The following ZCCHC9 variants were observed in gnomAD, a reference collection of about 807,000 sequenced individuals.
ZCCHC9 encodes zinc finger CCHC domain-containing protein 9.
Under a neutral mutation model 30.8 loss-of-function variants are expected in ZCCHC9, and 18 were observed. The ratio of observed to expected loss-of-function variants is 0.58; its 90% confidence interval spans 0.40 to 0.87. The LOEUF is 0.87. ZCCHC9 is among the 40% of genes least tolerant of loss of function. The pLI, the probability that ZCCHC9 is intolerant of heterozygous loss-of-function variation, is 0.00. For missense variants in ZCCHC9, 279 were observed against 331.2 expected (o/e 0.84, Z 1.22); for synonymous variants, 94 against 106.7 (o/e 0.88, Z 0.73).
chr5:81,304,620 T>C, intron 1 of ZCCHC9, 121 bp from the exon 2 acceptor site: 1 of 791,840 alleles, frequency 1.3e-6, no homozygotes, highest in South Asian at 2.7e-5. Flanking sequence ...AAAAGTGTTT[T>C]AATAATTAAA....
In ZCCHC9 at chr5:81,301,589, T is replaced by G. The variant is rs554384738; in HGVS notation, c.-127T>G. 6.6e-6 allele frequency: 1 copy of G among 152,404 alleles called. No individual in the cohort carries two copies. Among genetic ancestry groups the G allele is most frequent in the South Asian group, 2.1e-4 (1 of 4,828 alleles). The allele number at this position is 152,404 out of a possible 1,614,324, so 9.4% of individuals were successfully genotyped here. ...CCGGAAGTGACGCGCTCTCGGGCAC[T>G]ATGTGCTTCCGGTCTCCAATACCGC... On this transcript the variant is annotated 5_prime_UTR_variant, in exon 1 of 6. Coordinates refer to ENST00000407610, the MANE Select transcript of ZCCHC9 (RefSeq NM_001131035.2).
At chr5:81,308,771 G>T in intron 3 of ZCCHC9, 60 bp downstream of exon 3, 1 of 1,553,822 alleles carries the variant, frequency 6.4e-7, no homozygotes. Flanking sequence ...ATAGCACCTT[G>T]GGTATTTTTT....
At chr5:81,312,226 T>A (rs1043080566) in intron 5 of ZCCHC9, among the ~76,000 whole-genome samples, 2 of 152,208 alleles carry the variant, frequency 1.3e-5, no homozygotes, top group Non-Finnish European at 2.9e-5. Flanking sequence ...TTCATAAGCC[T>A]TGCTGTTTAC....
chr5:81,308,621 A>C lies in ZCCHC9; in HGVS notation c.445A>C (p.Asn149His). The change falls in exon 3 of 6, where the codon AAT becomes CAT. Residue 149 changes from asparagine (N) to histidine (H), a missense_variant. Physicochemically the swap from Asn to His is moderately conservative, Grantham distance 68. Transcript: ENST00000407610. ...GIADCPAALE[N>H]QDMGTGICYR... Reference sequence around the variant, plus strand: ...TGCAGATTGCCCCGCCGCCCTTGAAAATCAAGACATGGGCACTGGGATATG... The same window carrying C: ...TGCAGATTGCCCCGCCGCCCTTGAACATCAAGACATGGGCACTGGGATATG... 2.5e-6 allele frequency: 4 copies of C among 1,613,810 alleles called. No homozygotes were observed. The highest frequency in any genetic ancestry group is 3.4e-6 in the Non-Finnish European group (4 of 1,179,862).
chr5:81,304,924 C>G lies in ZCCHC9; in HGVS notation c.167C>G (p.Ala56Gly), dbSNP rs1485843285. 6.2e-7 allele frequency: 1 copy of G among 1,613,402 alleles called. No homozygotes were observed. The highest frequency in any genetic ancestry group is 8.5e-7 in the Non-Finnish European group (1 of 1,179,926). ...TCCCTCAAAAATGATGCACCCCAAG[C>G]AAAACATAAAAAGAACAAAAAGAAA... ...RLSLKNDAPQ[A>G]KHKKNKKKKE... The change falls in exon 2 of 6, where the codon GCA (alanine) becomes GGA (glycine). Residue 56 changes from alanine (A) to glycine (G), a missense_variant. Transcript: ENST00000407610.
rs369656009 is a variant in ZCCHC9, at chr5:81,308,703, C to T, written c.527C>T (p.Pro176Leu). Residue 176 changes from proline to leucine, a missense_variant, in exon 3 of 6, where the codon CCG becomes CTG. Coordinates refer to ENST00000407610, the MANE Select transcript of ZCCHC9 (RefSeq NM_001131035.2). ...EITKCKAKVD[P>L]ALGEFPFAKC... ...ACCAAGTGTAAGGCTAAAGTAGACCCGGCTCTTGGTATGTGTTTCTTTCAG... is the reference window on the plus strand; with the variant it reads ...ACCAAGTGTAAGGCTAAAGTAGACCTGGCTCTTGGTATGTGTTTCTTTCAG... 70 of 1,606,696 alleles carry T rather than the reference C, an allele frequency of 4.4e-5. No homozygotes were observed. Among genetic ancestry groups the T allele is most frequent in the South Asian group, 2.9e-4 (26 of 89,436 alleles).
chr5:81,308,428 T>A (rs1758152487), intron 2 of ZCCHC9, 133 bp from the exon 3 acceptor site: 1 of 1,203,908 alleles, frequency 8.3e-7, no homozygotes, highest in African/African-American at 1.6e-5. Flanking sequence ...AAAGCTTTTT[T>A]CTACAAATAT....
intron 4 of ZCCHC9, among the ~76,000 whole-genome samples, chr5:81,309,911 T>C (rs1296671829): frequency 2.0e-5 from 3 of 152,172 alleles, no homozygotes; most frequent in Non-Finnish European, 4.4e-5. Flanking sequence ...CTGAGAGGTA[T>C]GTGCAATAAT....
rs772584866 is a variant in ZCCHC9, at chr5:81,304,955, G to C, written c.198G>C (p.Glu66Asp). ...ATAAAAAGAACAAAAAGAAAAAAGA[G>C]TACTTAAATGAAGATGTGAATGGAT... ...AKHKKNKKKK[E>D]YLNEDVNGFM... The change falls in exon 2 of 6, where the codon GAG (glutamate) becomes GAC (aspartate). Residue 66 changes from glutamate to aspartate, a missense_variant. Transcript: ENST00000407610. 3.1e-6 allele frequency: 5 copies of C among 1,613,720 alleles called. No individual in the cohort carries two copies. The African/African-American group carries it at 5.3e-5, about 17-fold the overall frequency.
intron 4 of ZCCHC9, among the ~76,000 whole-genome samples, chr5:81,310,472 T>TG (rs1456361880): frequency 6.6e-6 from 1 of 151,942 alleles, no homozygotes; most frequent in African/African-American, 2.4e-5. Flanking sequence ...AGTCAAGATT[T>TG]GGGGGAAAAA....
rs1387881346 is a variant in ZCCHC9, at chr5:81,313,034, G to C, written c.*372G>C. Reference sequence around the variant, plus strand: ...GAACAAATGAATTTTTGGTTATATTGTTTTCTTGGCTCAAAGTATCAATTT... The same window carrying C: ...GAACAAATGAATTTTTGGTTATATTCTTTTCTTGGCTCAAAGTATCAATTT... On this transcript the variant is annotated 3_prime_UTR_variant, in exon 6 of 6. Transcript: ENST00000407610. 2.0e-5 allele frequency: 3 copies of C among 153,042 alleles called. No individual in the cohort carries two copies. The highest frequency in any genetic ancestry group is 4.4e-5 in the Non-Finnish European group (3 of 68,676). The allele number at this position is 153,042 out of a possible 1,614,324, so 9.5% of individuals were successfully genotyped here.
chr5:81,301,956 C>G (rs1354425153), intron 1 of ZCCHC9: 1 of 152,244 alleles, frequency 6.6e-6, no homozygotes, highest in Non-Finnish European at 1.5e-5. Flanking sequence ...CCCAGAGCCT[C>G]CCCCTTCCCA....
In ZCCHC9 at chr5:81,305,116, G is replaced by A. The variant is rs746480820; in HGVS notation, c.359G>A (p.Arg120Lys). 1 of 1,595,570 alleles carries A rather than the reference G, an allele frequency of 6.3e-7. No homozygotes were observed. The highest frequency in any genetic ancestry group is 8.5e-7 in the Non-Finnish European group (1 of 1,174,934). Residue 120 changes from arginine to lysine, a missense_variant, in exon 2 of 6, where the codon AGA becomes AAA. Physicochemically the swap from Arg to Lys is conservative, Grantham distance 26 (BLOSUM62 2). Coordinates refer to ENST00000407610, the MANE Select transcript of ZCCHC9 (RefSeq NM_001131035.2). ...CGACGGGAAGGAAGAAGATTAAAAA[G>A]ACAAGCGGCAAAGAAAAATGCAATG... Reference protein sequence around the residue: ...DSRREGRRLKRQAAKKNAMVC... With the variant: ...DSRREGRRLKKQAAKKNAMVC...
At chr5:81,309,200 G>T in intron 4 of ZCCHC9, 162 bp downstream of exon 4, 1 of 496,614 alleles carries the variant, frequency 2.0e-6, no homozygotes, top group Non-Finnish European at 3.4e-6. Flanking sequence ...TAGGCTTTTT[G>T]TGCAATTTGA....
At chr5:81,305,637 C>T (rs1758065358) in intron 2 of ZCCHC9, among the ~76,000 whole-genome samples, 1 of 151,752 alleles carries the variant, frequency 6.6e-6, no homozygotes, top group Admixed American at 6.6e-5. Flanking sequence ...TGGTACACAC[C>T]TGTGATCCCA....
intron 4 of ZCCHC9, 57 bp from the exon 5 acceptor site, chr5:81,311,154 T>A: frequency 6.3e-7 from 1 of 1,578,988 alleles, no homozygotes; most frequent in Non-Finnish European, 8.7e-7. Context: ...TGCTTTGAGA[T>A]GTTAAAAACC....
intron 4 of ZCCHC9, among the ~76,000 whole-genome samples, chr5:81,309,861 C>A (rs1000331796): frequency 1.3e-5 from 2 of 152,188 alleles, no homozygotes; most frequent in South Asian, 2.1e-4. Context: ...ATGTATCTTA[C>A]CGTTGGTGGG....
rs1200810599 is a variant in ZCCHC9, at chr5:81,308,660, T to C, written c.484T>C (p.Ser162Pro). The change falls in exon 3 of 6, where the codon TCC becomes CCC. Residue 162 changes from serine (S) to proline (P), a missense_variant. By Grantham distance (74) the Ser-to-Pro change is moderately conservative. Transcript: ENST00000407610. ...CACTGGGATATGTTACAGGTGTGGG[T>C]CCACAGAGCACGAAATAACCAAGTG... ...MGTGICYRCG[S>P]TEHEITKCKA... is the part of the protein sequence containing the mutation. 6.2e-7 allele frequency: 1 copy of C among 1,613,710 alleles called. No homozygotes were observed. Among genetic ancestry groups the C allele is most frequent in the East Asian group, 2.2e-5 (1 of 44,852 alleles).
chr5:81,312,238 G>A (rs999122048), intron 5 of ZCCHC9, among the ~76,000 whole-genome samples: 5 of 152,206 alleles, frequency 3.3e-5, no homozygotes, highest in African/African-American at 1.2e-4. Flanking sequence ...GCTGTTTACA[G>A]ACTCTTGGAA....
Sources: allele counts gnomAD v4.1 joint callset (sites outside exome capture counted in the v4.1 genomes callset), GRCh38; gene constraint gnomAD v4.1.1; transcripts MANE v1.5; gene names NCBI Gene and HGNC (gene_info 2026-07-23, HGNC 2026-07-21).